KLF12: variants seen among roughly 807,000 people sequenced by gnomAD.
The protein encoded by KLF12 is Krueppel-like factor 12.
In KLF12, 9 loss-of-function variants were observed where a neutral mutation model predicts 37.8. The observed-to-expected ratio is 0.24, with a 90% CI of 0.14 to 0.42. KLF12 has a LOEUF of 0.42. Among genes scored for constraint, KLF12 ranks in the 10% least tolerant of loss-of-function variants. The pLI is 1.00. For synonymous variants in KLF12, 208 were observed against 202.1 expected (o/e 1.03, Z -0.25); for missense variants, 411 against 516.0 (o/e 0.80, Z 1.97).
chr13:73,718,273 G>A (rs900374894), intron 6 of KLF12, among the ~76,000 whole-genome samples: 5 of 152,162 alleles, frequency 3.3e-5, no homozygotes, highest in Admixed American at 2.0e-4. Flanking sequence ...AATAATGAAT[G>A]TTTCTTTAGG....
At chr13:74,204,758 C>T in the KLF12 span, among the ~76,000 whole-genome samples, 22 of 152,128 alleles carry the variant, frequency 1.4e-4, no homozygotes, top group African/African-American at 5.3e-4. Flanking sequence ...TTCTGCATGG[C>T]ATCTGAAGGG....
intron 3 of KLF12, among the ~76,000 whole-genome samples, chr13:73,908,270 G>A (rs879468403): frequency 7.3e-5 from 11 of 149,938 alleles, no homozygotes; most frequent in Admixed American, 2.6e-4. Flanking sequence ...GCATGGTAGT[G>A]CGTGCCTGTA....
At chr13:74,132,870 A>C (rs1878337639) in intron 1 of KLF12, among the ~76,000 whole-genome samples, 1 of 152,224 alleles carries the variant, frequency 6.6e-6, no homozygotes, top group African/African-American at 2.4e-5. Flanking sequence ...GCTACCCAAC[A>C]AAAGCAGGAC....
intron 6 of KLF12, among the ~76,000 whole-genome samples, chr13:73,724,089 A>G (rs556102144): frequency 2.0e-5 from 3 of 152,276 alleles, no homozygotes; most frequent in East Asian, 3.9e-4. Context: ...ACACATGCAC[A>G]CGTTATGTTT....
At chr13:74,032,842 G>T (rs1893149136) in intron 1 of KLF12, among the ~76,000 whole-genome samples, 1 of 152,094 alleles carries the variant, frequency 6.6e-6, no homozygotes, top group African/African-American at 2.4e-5. Flanking sequence ...CCAATAAAAA[G>T]AAAATCACCT....
chr13:74,085,600 T>G (rs916281383), intron 1 of KLF12, among the ~76,000 whole-genome samples: 2 of 152,188 alleles, frequency 1.3e-5, no homozygotes, highest in African/African-American at 4.8e-5. Context: ...TTAGCAGCCT[T>G]AAATAATGGA....
intron 1 of KLF12, among the ~76,000 whole-genome samples, chr13:74,108,488 T>C (rs1440065075): frequency 1.3e-5 from 2 of 152,132 alleles, no homozygotes; most frequent in East Asian, 3.8e-4. Flanking sequence ...AAACATACAG[T>C]TGACCTTTGA....
chr13:74,149,839 G>A, the KLF12 span, among the ~76,000 whole-genome samples: 2 of 152,110 alleles, frequency 1.3e-5, no homozygotes, highest in African/African-American at 4.8e-5. Flanking sequence ...CCTCCTTGTT[G>A]TTCTGAACAC....
chr13:73,907,844 C>G (rs1224159019), intron 3 of KLF12, among the ~76,000 whole-genome samples: 1 of 152,122 alleles, frequency 6.6e-6, no homozygotes, highest in Admixed American at 6.5e-5. Flanking sequence ...ATGATTGACC[C>G]TCTCCCTTCC....
chr13:73,966,679 A>G (rs571154493), intron 2 of KLF12, among the ~76,000 whole-genome samples: 15 of 152,292 alleles, frequency 9.8e-5, no homozygotes, highest in East Asian at 3.9e-4. Context: ...TTTGCCCCCA[A>G]TCTTCCACAA....
chr13:73,983,118 C>T (rs2138191840), intron 2 of KLF12, among the ~76,000 whole-genome samples: 2 of 152,276 alleles, frequency 1.3e-5, no homozygotes, highest in Non-Finnish European at 2.9e-5. Context: ...CACCCTGTCC[C>T]TGTCTACCAT....
chr13:73,852,711 A>G (rs1247758752), intron 3 of KLF12, among the ~76,000 whole-genome samples: 8 of 151,802 alleles, frequency 5.3e-5, no homozygotes, highest in African/African-American at 1.9e-4. Context: ...CAGGAGGCAG[A>G]GGTTGTGGTG....
chr13:73,917,491 T>C (rs984316195), intron 3 of KLF12, among the ~76,000 whole-genome samples: 4 of 152,222 alleles, frequency 2.6e-5, no homozygotes, highest in Non-Finnish European at 5.9e-5. Flanking sequence ...CATACATATA[T>C]GATGGCAACA....
At chr13:74,184,837 A>C in the KLF12 span, among the ~76,000 whole-genome samples, 1 of 152,242 alleles carries the variant, frequency 6.6e-6, no homozygotes, top group African/African-American at 2.4e-5. Context: ...TTTAAAAAAT[A>C]TTTAACTGCA....
the KLF12 span, among the ~76,000 whole-genome samples, chr13:74,190,203 C>G: frequency 6.6e-6 from 1 of 152,118 alleles, no homozygotes; most frequent in African/African-American, 2.4e-5. Context: ...ATTAAAATGT[C>G]TCTTTCAGCT....
intron 3 of KLF12, among the ~76,000 whole-genome samples, chr13:73,865,438 G>A (rs1258792259): frequency 6.6e-6 from 1 of 152,114 alleles, no homozygotes; most frequent in Non-Finnish European, 1.5e-5. Context: ...TTGTAAAAGT[G>A]CATTTTAAGA....
chr13:73,794,151 C>T (rs760451857), intron 5 of KLF12, among the ~76,000 whole-genome samples: 44 of 152,208 alleles, frequency 2.9e-4, no homozygotes, highest in Admixed American at 2.3e-3. Context: ...TCAACACATA[C>T]TGGGATAGCC....
intron 3 of KLF12, among the ~76,000 whole-genome samples, chr13:73,878,560 C>T (rs1024557863): frequency 9.9e-5 from 15 of 152,148 alleles, no homozygotes; most frequent in South Asian, 6.2e-4. Context: ...GCCTTGGCTC[C>T]GGTTATCTTC....
At chr13:74,206,387 A>G in the KLF12 span, among the ~76,000 whole-genome samples, 2 of 152,200 alleles carry the variant, frequency 1.3e-5, no homozygotes, top group East Asian at 3.8e-4. Context: ...TTAAAATAGT[A>G]TTCAACAACA....
Sources: allele counts gnomAD v4.1 joint callset (sites outside exome capture counted in the v4.1 genomes callset), GRCh38; gene constraint gnomAD v4.1.1; transcripts MANE v1.5; gene names NCBI Gene and HGNC (gene_info 2026-07-23, HGNC 2026-07-21).